Variants in CAT observed in about 807,000 individuals in gnomAD.
CAT encodes the protein catalase, also known as epididymis secretory sperm binding protein.
A neutral mutation model predicts 59.0 loss-of-function variants in CAT; 43 were observed. The observed-to-expected ratio is 0.73, with a 90% CI of 0.57 to 0.94. The LOEUF (loss-of-function observed/expected upper bound fraction) is 0.94, where lower values mean the gene tolerates loss of function less well. Among genes scored for constraint, CAT ranks in the 40% least tolerant of loss-of-function variants. CAT has a pLI of 0.00. For synonymous variants in CAT, 218 were observed against 230.9 expected (o/e 0.94, Z 0.51); for missense variants, 664 against 682.9 (o/e 0.97, Z 0.31).
chr11:34,451,029 T>C lies in CAT; in HGVS notation c.280T>C (p.Tyr94His), dbSNP rs748651012. 1.2e-6 allele frequency: 2 copies of C among 1,613,946 alleles called. No homozygotes were observed. Among genetic ancestry groups the C allele is most frequent in the African/African-American group, 1.3e-5 (1 of 75,052 alleles). Residue 94 changes from tyrosine to histidine, a missense_variant, in exon 3 of 13, where the codon TAC becomes CAC. Tyr to His is a moderately conservative substitution (Grantham distance 83, BLOSUM62 2). Transcript: ENST00000241052. Reference protein sequence around the residue: ...YFEVTHDITKYSKAKVFEHIG... With the variant: ...YFEVTHDITKHSKAKVFEHIG... The stretch of plus-strand genomic sequence containing the variant: ...TGAGGTCACACATGACATTACCAAA[T>C]ACTCCAAGGCAAAGGTATTTGAGCA...
chr11:34,465,131 C>T (rs1040476080), intron 10 of CAT, among the ~76,000 whole-genome samples: 2 of 152,156 alleles, frequency 1.3e-5, no homozygotes, highest in African/African-American at 4.8e-5. Flanking sequence ...ATACCACACA[C>T]AATAAAATAA....
intron 10 of CAT, 42 bp from the exon 11 acceptor site, chr11:34,468,246 C>A: frequency 7.3e-7 from 1 of 1,379,110 alleles, no homozygotes. Context: ...TGGTGATAAA[C>A]TGGTGATTCA....
At chr11:34,460,716 GT>G in intron 8 of CAT, 1 of 195,062 alleles carries the variant, frequency 5.1e-6, no homozygotes, top group Non-Finnish European at 1.1e-5. Flanking sequence ...GCCTTCCAGA[GT>G]GCTGGGATTA....
intron 1 of CAT, among the ~76,000 whole-genome samples, chr11:34,443,160 C>T (rs933218389): frequency 1.3e-5 from 2 of 152,172 alleles, no homozygotes; most frequent in Non-Finnish European, 2.9e-5. Flanking sequence ...TCTTCCACTT[C>T]CCAATTAGTT....
chr11:34,464,449 G>A (rs1014935201), intron 10 of CAT, among the ~76,000 whole-genome samples: 7 of 152,168 alleles, frequency 4.6e-5, no homozygotes, highest in African/African-American at 1.4e-4. Context: ...TGCAGACTCC[G>A]TCTCAGTTTC....
At chr11:34,460,547 A>G (rs751977194) in intron 8 of CAT, among the ~76,000 whole-genome samples, 2 of 147,488 alleles carry the variant, frequency 1.4e-5, no homozygotes, top group Non-Finnish European at 3.0e-5. Context: ...CCCCTGGGCC[A>G]AGCAGTCCTC....
At chr11:34,446,541 G>C (rs1337070386) in intron 1 of CAT, among the ~76,000 whole-genome samples, 1 of 152,090 alleles carries the variant, frequency 6.6e-6, no homozygotes, top group Non-Finnish European at 1.5e-5. Context: ...CTGCCTTTGG[G>C]TGTGGTATTT....
At chr11:34,445,865 C>T (rs1316522346) in intron 1 of CAT, among the ~76,000 whole-genome samples, 2 of 152,164 alleles carry the variant, frequency 1.3e-5, no homozygotes, top group African/African-American at 2.4e-5. Context: ...AAACCTGTGC[C>T]ACAACACTGA....
intron 1 of CAT, among the ~76,000 whole-genome samples, 183 bp downstream of exon 1, chr11:34,439,262 C>T (rs2133174553): frequency 6.6e-6 from 1 of 152,154 alleles, no homozygotes; most frequent in African/African-American, 2.4e-5. Context: ...GAGGGGGGTC[C>T]GGGTAGTGGG....
At position 34,453,906 on chromosome 11, in the gene CAT, T is replaced by G. The variant is rs759966400; in HGVS notation, c.691T>G (p.Tyr231Asp). Residue 231 changes from tyrosine (Y) to aspartate (D), a missense_variant, in exon 6 of 13, where the codon TAT becomes GAT. By Grantham distance (160) the Tyr-to-Asp change is radical. Transcript: ENST00000241052. ...GGTTAATGCAAATGGGGAGGCAGTT[T>G]ATTGCAAATTCCATTATAAGGTATG... ...KLVNANGEAV[Y>D]CKFHYKTDQG... 6 of 1,614,010 alleles carry G rather than the reference T, an allele frequency of 3.7e-6. No homozygotes were observed. The East Asian group carries it at 1.3e-4, about 36-fold the overall frequency.
intron 10 of CAT, among the ~76,000 whole-genome samples, chr11:34,467,407 A>G (rs1856731230): frequency 6.6e-6 from 1 of 152,224 alleles, no homozygotes; most frequent in Admixed American, 6.5e-5. Flanking sequence ...CTTTGGTATC[A>G]GGTTTAAACT....
In CAT at chr11:34,468,294, G is replaced by T; in HGVS notation, c.1333G>T (p.Ala445Ser). The T allele has an allele frequency of 6.2e-7, 1 of 1,613,074 alleles. No individual in the cohort carries two copies. Among genetic ancestry groups the T allele is most frequent in the South Asian group, 1.1e-5 (1 of 91,062 alleles). The change falls in exon 11 of 13, where the codon GCA becomes TCA. Residue 445 changes from alanine to serine, a missense_variant. By Grantham distance (99) the Ala-to-Ser change is moderately conservative. Coordinates refer to ENST00000241052, the MANE Select transcript of CAT (RefSeq NM_001752.4). ...ANDDNVTQVR[A>S]FYVNVLNEEQ... is the part of the protein sequence containing the mutation. ...TGCTCTTTTCTCTGAGCAGGTGCGG[G>T]CATTCTATGTGAACGTGCTGAATGA...
At chr11:34,439,927 T>C (rs1856367445) in intron 1 of CAT, among the ~76,000 whole-genome samples, 1 of 152,210 alleles carries the variant, frequency 6.6e-6, no homozygotes, top group Admixed American at 6.5e-5. Context: ...AACAGGAATT[T>C]TTTTAAATGA....
chr11:34,460,051 G>T (rs897333956), intron 8 of CAT, among the ~76,000 whole-genome samples: 1 of 152,180 alleles, frequency 6.6e-6, no homozygotes, highest in South Asian at 2.1e-4. Context: ...TGCTTAAGTT[G>T]CCCTATTCAA....
At chr11:34,451,763 A>C in intron 3 of CAT, among the ~76,000 whole-genome samples, 1 of 152,202 alleles carries the variant, frequency 6.6e-6, no homozygotes, top group Non-Finnish European at 1.5e-5. Context: ...TTTAAGCCTC[A>C]TAATTATTTT....
intron 1 of CAT, among the ~76,000 whole-genome samples, chr11:34,447,123 T>C (rs181774649): frequency 1.8e-4 from 27 of 152,264 alleles, no homozygotes; most frequent in African/African-American, 6.5e-4. Context: ...AGTGAACAGA[T>C]TTGGTTTGCT....
At chr11:34,451,148 T>C (rs1242575643) in intron 3 of CAT, 50 bp downstream of exon 3, 2 of 1,038,192 alleles carry the variant, frequency 1.9e-6, no homozygotes, top group Admixed American at 1.7e-5. Context: ...AACTTCACCT[T>C]TTGGGGATGT....
In CAT at chr11:34,456,179, T is replaced by A. The variant is rs1438170355; in HGVS notation, c.880T>A (p.Phe294Ile). 1.2e-6 allele frequency: 2 copies of A among 1,613,854 alleles called. No individual in the cohort carries two copies. The highest frequency in any genetic ancestry group is 1.7e-6 in the Non-Finnish European group (2 of 1,179,900). Reference protein sequence around the residue: ...MTFNQAETFPFNPFDLTKVWP... With the variant: ...MTFNQAETFPINPFDLTKVWP... Reference sequence around the variant, plus strand: ...ATTTAATCAGGCAGAAACTTTTCCATTTAATCCATTCGATCTCACCAAGGT... The same window carrying A: ...ATTTAATCAGGCAGAAACTTTTCCAATTAATCCATTCGATCTCACCAAGGT... The change falls in exon 7 of 13, where the codon TTT becomes ATT. Residue 294 changes from phenylalanine to isoleucine, a missense_variant. By Grantham distance (21) the Phe-to-Ile change is conservative. Transcript: ENST00000241052.
chr11:34,441,329 T>G (rs557734410), intron 1 of CAT, among the ~76,000 whole-genome samples: 1 of 152,380 alleles, frequency 6.6e-6, no homozygotes, highest in African/African-American at 2.4e-5. Context: ...GCCCTGTGTC[T>G]TTTATTACGT....
Sources: gnomAD v4.1 joint callset for allele counts (sites outside exome capture counted in the v4.1 genomes callset) on GRCh38, gnomAD v4.1.1 for gene constraint, MANE v1.5 for transcripts, NCBI Gene and HGNC (gene_info 2026-07-23, HGNC 2026-07-21) for gene names.